The following SHC4 variants were observed in gnomAD, a reference collection of about 807,000 sequenced individuals.
SHC4 encodes SHC-transforming protein 4.
In SHC4, 41 loss-of-function variants were observed where a neutral mutation model predicts 69.4. That is an observed-to-expected ratio of 0.59 (90% CI 0.46 to 0.77). The LOEUF is 0.77. Among genes scored for constraint, SHC4 ranks in the 30% least tolerant of loss-of-function variants. The pLI is 0.00. For missense variants in SHC4, 777 were observed against 783.8 expected, an observed-to-expected ratio of 0.99 and a Z score of 0.10; for synonymous variants, 318 against 299.3, an observed-to-expected ratio of 1.06 and a Z score of -0.64.
At position 48,843,606 on chromosome 15, in the gene SHC4, G is replaced by A; in HGVS notation, c.1304-18C>T. 6.3e-7 allele frequency: 1 copy of A among 1,582,752 alleles called. No homozygotes were observed. The highest frequency in any genetic ancestry group is 8.6e-7 in the Non-Finnish European group (1 of 1,160,092). ...GACATTACCTGTAGTGATTAGTAGT[G>A]ATCAATACATTATGTTTTTTCTTTG... is the stretch of plus-strand genomic sequence containing the variant. On this transcript the variant is annotated intron_variant, in intron 9 of 11. Transcript: ENST00000332408.
intron 2 of SHC4, among the ~76,000 whole-genome samples, chr15:48,916,253 G>T (rs1015773820): frequency 4.0e-5 from 6 of 148,158 alleles, no homozygotes; most frequent in African/African-American, 1.3e-4. Context: ...TCTTGAATCT[G>T]CTTTGCAGCT....
chr15:48,830,574 G>C (rs529879229), intron 11 of SHC4, among the ~76,000 whole-genome samples: 2 of 152,226 alleles, frequency 1.3e-5, no homozygotes, highest in African/African-American at 4.8e-5. Context: ...TGAAGAGGAG[G>C]CAAAAGGAAA....
At chr15:48,938,864 C>T (rs1384468873) in intron 1 of SHC4, among the ~76,000 whole-genome samples, 4 of 152,184 alleles carry the variant, frequency 2.6e-5, no homozygotes, top group African/African-American at 4.8e-5. Context: ...AGTCTAGGAG[C>T]ATGGGCTTTG....
At chr15:48,857,984 G>C (rs1469477901) in intron 6 of SHC4, among the ~76,000 whole-genome samples, 169 bp from the exon 7 acceptor site, 2 of 152,122 alleles carry the variant, frequency 1.3e-5, no homozygotes, top group Non-Finnish European at 2.9e-5. Flanking sequence ...CATTTCACAT[G>C]AATCAAAGAG....
chr15:48,872,930 T>C (rs1357197613), intron 4 of SHC4, among the ~76,000 whole-genome samples: 1 of 152,202 alleles, frequency 6.6e-6, no homozygotes, highest in Non-Finnish European at 1.5e-5. Flanking sequence ...TATTGACTAA[T>C]CCTGCTTTCA....
In SHC4 at chr15:48,872,104, G is replaced by A. The variant is rs1455225292; in HGVS notation, c.879C>T (p.Ala293=). 3.8e-6 allele frequency: 6 copies of A among 1,593,388 alleles called. No individual in the cohort carries two copies. Among genetic ancestry groups the A allele is most frequent in the African/African-American group, 1.4e-5 (1 of 74,022 alleles). Residue 293 remains alanine, a synonymous_variant, in exon 5 of 12, where the codon GCC becomes GCT. Transcript: ENST00000332408. ...ANHHMQSISF[A]SGGDPDTTDY... is the part of the protein sequence containing the mutation. ...CCATACTTACAGGATCCCCTCCAGA[G>A]GCAAATGAAATAGACTGCATATGAT...
At chr15:48,925,038 A>G (rs1900827346) in intron 1 of SHC4, 89 bp from the exon 2 acceptor site, 4 of 1,348,014 alleles carry the variant, frequency 3.0e-6, no homozygotes, top group African/African-American at 1.4e-5. Flanking sequence ...GGAAGCACCT[A>G]AAATCAGCTT....
intron 5 of SHC4, among the ~76,000 whole-genome samples, chr15:48,870,625 C>A (rs188976675): frequency 2.1e-4 from 32 of 150,976 alleles, no homozygotes; most frequent in Non-Finnish European, 4.0e-4. Context: ...CTTCGTGAGC[C>A]AAGATCGTGC....
chr15:48,881,695 G>T (rs1899949765), intron 4 of SHC4, among the ~76,000 whole-genome samples: 1 of 152,174 alleles, frequency 6.6e-6, no homozygotes, highest in Non-Finnish European at 1.5e-5. Flanking sequence ...GAGCAACTGA[G>T]ACTCTGACTT....
intron 9 of SHC4, 98 bp from the exon 10 acceptor site, chr15:48,843,686 A>G: frequency 8.5e-7 from 1 of 1,170,500 alleles, no homozygotes; most frequent in Non-Finnish European, 1.2e-6. Flanking sequence ...CCTAAAGGCC[A>G]TGCCCCACCC....
chr15:48,880,686 GTTTT>G (rs1899923111), intron 4 of SHC4, among the ~76,000 whole-genome samples: 1 of 152,076 alleles, frequency 6.6e-6, no homozygotes, highest in Non-Finnish European at 1.5e-5. Flanking sequence ...TGACTTGGTT[GTTTT>G]TCAGTCTTAA....
chr15:48,850,920 CT>C (rs1262539084), intron 9 of SHC4, among the ~76,000 whole-genome samples: 2 of 152,142 alleles, frequency 1.3e-5, no homozygotes, highest in Non-Finnish European at 2.9e-5. Flanking sequence ...AGAGAGAGAG[CT>C]TTCATGATTT....
intron 5 of SHC4, among the ~76,000 whole-genome samples, chr15:48,871,312 A>G (rs1301097867): frequency 6.6e-6 from 1 of 152,250 alleles, no homozygotes; most frequent in Non-Finnish European, 1.5e-5. Flanking sequence ...TCATCAAAAC[A>G]TATGGAAGAT....
rs1163763813 is a variant in SHC4, at chr15:48,825,938, T to C, written c.*33A>G. 1.3e-6 allele frequency: 2 copies of C among 1,595,806 alleles called. No homozygotes were observed. Among genetic ancestry groups the C allele is most frequent in the Non-Finnish European group, 1.7e-6 (2 of 1,173,010 alleles). ...GTGTCCTAATACAAAATGGGGTTTCTTGAAATATCAGTGTGATGGTGCTTC... is the reference window on the plus strand; with the variant it reads ...GTGTCCTAATACAAAATGGGGTTTCCTGAAATATCAGTGTGATGGTGCTTC... On this transcript the variant is annotated 3_prime_UTR_variant, in exon 12 of 12. Transcript: ENST00000332408.
At chr15:48,866,771 C>T (rs998269191) in intron 6 of SHC4, among the ~76,000 whole-genome samples, 4 of 152,234 alleles carry the variant, frequency 2.6e-5, no homozygotes, top group African/African-American at 9.6e-5. Flanking sequence ...AAGTCCTATT[C>T]CATGTCCACT....
intron 4 of SHC4, chr15:48,878,678 C>G: frequency 6.2e-7 from 1 of 1,614,010 alleles, no homozygotes; most frequent in East Asian, 2.2e-5. Flanking sequence ...GCTTTTTTCA[C>G]TGATGGTTGT....
At position 48,825,645 on chromosome 15, in the gene SHC4, T is replaced by C; in HGVS notation, c.*326A>G. On this transcript the variant is annotated 3_prime_UTR_variant, in exon 12 of 12. Coordinates refer to ENST00000332408, the MANE Select transcript of SHC4 (RefSeq NM_203349.4). ...AAGGCACATACCACTGCCCCAGCAG[T>C]TCATTCAAGTTGTCGTTAGCATGTG... is the stretch of plus-strand genomic sequence containing the variant. The C allele has an allele frequency of 4.7e-6, 1 of 215,000 alleles. No individual in the cohort carries two copies. Among genetic ancestry groups the C allele is most frequent in the Non-Finnish European group, 9.2e-6 (1 of 108,124 alleles). 13.3% of individuals were successfully genotyped at this position (215,000 alleles called of 1,614,324 possible).
intron 11 of SHC4, among the ~76,000 whole-genome samples, chr15:48,829,221 T>C (rs981720945): frequency 1.3e-5 from 2 of 152,210 alleles, no homozygotes; most frequent in African/African-American, 4.8e-5. Context: ...TGCTGTTGGA[T>C]GGAATGTTCT....
chr15:48,937,583 C>CATAGATAG (rs5812469), intron 1 of SHC4, among the ~76,000 whole-genome samples: 8,376 of 147,852 alleles, frequency 0.057, 252 homozygotes, highest in Non-Finnish European at 0.064. Flanking sequence ...CACACAGACA[C>CATAGATAG]ATAGATAGAT....
Sources: gnomAD v4.1 joint callset for allele counts (sites outside exome capture counted in the v4.1 genomes callset) on GRCh38, gnomAD v4.1.1 for gene constraint, MANE v1.5 for transcripts, NCBI Gene and HGNC (gene_info 2026-07-23, HGNC 2026-07-21) for gene names.